PLCB1: variants seen among roughly 807,000 people sequenced by gnomAD.
PLCB1 encodes the protein phospholipase C beta 1, also known as 1-phosphatidylinositol 4,5-bisphosphate phosphodiesterase beta-1.
PLCB1 carries 46 observed loss-of-function variants against 161.8 expected under a neutral mutation model. That is an observed-to-expected ratio of 0.28 (90% confidence interval 0.22 to 0.36). PLCB1 has a LOEUF of 0.36. Among genes scored for constraint, PLCB1 ranks in the 10% least tolerant of loss-of-function variants. The pLI, the probability that PLCB1 is intolerant of heterozygous loss-of-function variation, is 1.00. For synonymous variants in PLCB1, 517 were observed against 503.7 expected (o/e 1.03, Z -0.35); for missense variants, 1,016 against 1,472.5 (o/e 0.69, Z 5.07).
chr20:8,521,672 T>TA (rs944312816), intron 3 of PLCB1, among the ~76,000 whole-genome samples: 3 of 152,062 alleles, frequency 2.0e-5, no homozygotes, highest in Non-Finnish European at 2.9e-5. Flanking sequence ...TGAGACTGCC[T>TA]AAAAAAAATC....
chr20:8,844,181 A>G (rs1216381946), intron 31 of PLCB1, among the ~76,000 whole-genome samples: 1 of 152,246 alleles, frequency 6.6e-6, no homozygotes, highest in Non-Finnish European at 1.5e-5. Flanking sequence ...CTCAGAATGT[A>G]GGAAAGGAGA....
intron 3 of PLCB1, among the ~76,000 whole-genome samples, chr20:8,417,026 TAC>T (rs5840263): frequency 0.24 from 15,757 of 65,948 alleles, 2,831 homozygotes; most frequent in East Asian, 0.31. Context: ...TATATGTGTA[TAC>T]ACACACACAC....
chr20:8,338,611 A>G (rs1600326244), intron 2 of PLCB1, among the ~76,000 whole-genome samples: 1 of 152,288 alleles, frequency 6.6e-6, no homozygotes, highest in African/African-American at 2.4e-5. Flanking sequence ...TTTTTGTACA[A>G]TTTTTAATCT....
chr20:8,446,073 C>A (rs1282874332), intron 3 of PLCB1, among the ~76,000 whole-genome samples: 1 of 152,026 alleles, frequency 6.6e-6, no homozygotes, highest in Non-Finnish European at 1.5e-5. Flanking sequence ...CAGCATCATC[C>A]TGATACCAAA....
At chr20:8,837,376 T>G (rs2146285888) in intron 31 of PLCB1, among the ~76,000 whole-genome samples, 1 of 152,250 alleles carries the variant, frequency 6.6e-6, no homozygotes, top group African/African-American at 2.4e-5. Flanking sequence ...TTTGGAAAAC[T>G]GTGAGGGAAT....
chr20:8,418,670 A>T (rs114665105), intron 3 of PLCB1, among the ~76,000 whole-genome samples: 3 of 152,152 alleles, frequency 2.0e-5, no homozygotes, highest in African/African-American at 7.2e-5. Flanking sequence ...TGTAATAAAA[A>T]ATCAAAATAT....
intron 2 of PLCB1, among the ~76,000 whole-genome samples, chr20:8,344,315 G>A (rs981099025): frequency 2.6e-5 from 4 of 152,204 alleles, no homozygotes; most frequent in Non-Finnish European, 2.9e-5. Flanking sequence ...GTTTGGTCTC[G>A]CAGTTTGTGC....
At chr20:8,195,620 C>T (rs1046305328) in intron 2 of PLCB1, among the ~76,000 whole-genome samples, 18 of 151,996 alleles carry the variant, frequency 1.2e-4, no homozygotes, top group Admixed American at 1.1e-3. Context: ...CAAACATTAC[C>T]CATTTGGCAA....
intron 9 of PLCB1, among the ~76,000 whole-genome samples, chr20:8,683,706 A>G (rs1600248625): frequency 1.3e-5 from 2 of 152,174 alleles, no homozygotes; most frequent in Non-Finnish European, 2.9e-5. Context: ...AAAAATTTCT[A>G]AATAGAATCT....
intron 24 of PLCB1, among the ~76,000 whole-genome samples, chr20:8,758,322 C>T (rs916040270): frequency 2.0e-5 from 3 of 151,786 alleles, no homozygotes; most frequent in Admixed American, 6.6e-5. Flanking sequence ...GGCTCATGCC[C>T]GTAATCCCAG....
chr20:8,386,544 T>A (rs142888252), intron 3 of PLCB1, among the ~76,000 whole-genome samples: 6 of 152,346 alleles, frequency 3.9e-5, no homozygotes, highest in African/African-American at 1.4e-4. Context: ...AGAGCTCACG[T>A]GAAATAGGTT....
intron 2 of PLCB1, among the ~76,000 whole-genome samples, chr20:8,365,172 G>T (rs1183432036): frequency 6.6e-6 from 1 of 152,188 alleles, no homozygotes; most frequent in Non-Finnish European, 1.5e-5. Flanking sequence ...ATCTGCACCT[G>T]TGTTTGACAG....
intron 2 of PLCB1, among the ~76,000 whole-genome samples, chr20:8,236,900 A>G (rs948707612): frequency 3.9e-5 from 6 of 152,108 alleles, no homozygotes; most frequent in Admixed American, 3.9e-4. Context: ...GCAATAATCA[A>G]AGAAATACAT....
chr20:8,491,202 A>AC (rs1982932243), intron 3 of PLCB1, among the ~76,000 whole-genome samples: 2 of 151,986 alleles, frequency 1.3e-5, no homozygotes, highest in African/African-American at 4.8e-5. Context: ...CTTAGGTCTT[A>AC]TAAAAAATAT....
chr20:8,732,416 G>A (rs920066697), intron 18 of PLCB1, among the ~76,000 whole-genome samples: 8 of 151,642 alleles, frequency 5.3e-5, no homozygotes, highest in Admixed American at 5.3e-4. Flanking sequence ...CACTGATCAT[G>A]GCTTCAAAGA....
At chr20:8,243,634 C>A (rs1335406381) in intron 2 of PLCB1, among the ~76,000 whole-genome samples, 1 of 151,880 alleles carries the variant, frequency 6.6e-6, no homozygotes, top group Non-Finnish European at 1.5e-5. Flanking sequence ...GATTTACAAG[C>A]ACTTTAATTC....
At chr20:8,348,988 A>ATTTGTATATATATATG (rs1265252225) in intron 2 of PLCB1, among the ~76,000 whole-genome samples, 1 of 152,162 alleles carries the variant, frequency 6.6e-6, no homozygotes, top group Non-Finnish European at 1.5e-5. Flanking sequence ...ATATGCATAT[A>ATTTGTATATATATATG]TTTGTATATA....
At chr20:8,458,654 C>T (rs1306043241) in intron 3 of PLCB1, among the ~76,000 whole-genome samples, 4 of 152,126 alleles carry the variant, frequency 2.6e-5, no homozygotes, top group Non-Finnish European at 5.9e-5. Flanking sequence ...CCATTTTTAT[C>T]GCATATTCAA....
At chr20:8,780,452 G>C (rs888198038) in intron 27 of PLCB1, among the ~76,000 whole-genome samples, 5 of 152,130 alleles carry the variant, frequency 3.3e-5, no homozygotes, top group Non-Finnish European at 7.4e-5. Flanking sequence ...GCCTTGCTTT[G>C]CTTCACTTTG....
Sources: gnomAD v4.1 joint callset for allele counts (sites outside exome capture counted in the v4.1 genomes callset) on GRCh38, gnomAD v4.1.1 for gene constraint, MANE v1.5 for transcripts, NCBI Gene and HGNC (gene_info 2026-07-23, HGNC 2026-07-21) for gene names.